METTL25: variants seen among roughly 807,000 people sequenced by gnomAD.
METTL25 encodes methyltransferase like 25, also known as probable methyltransferase-like protein 25.
Under a neutral mutation model 71.6 loss-of-function variants are expected in METTL25, and 64 were observed. The observed-to-expected ratio is 0.89, with a 90% CI of 0.73 to 1.10. The LOEUF (loss-of-function observed/expected upper bound fraction) is 1.10, where lower values mean the gene tolerates loss of function less well. METTL25 is among the 50% of genes least tolerant of loss of function. The pLI, the probability that METTL25 is intolerant of heterozygous loss-of-function variation, is 0.00. For synonymous variants in METTL25, 287 were observed against 250.3 expected, an observed-to-expected ratio of 1.15 and a Z score of -1.38; for missense variants, 807 against 707.0, an observed-to-expected ratio of 1.14 and a Z score of -1.60.
chr12:82,360,283 C>T lies in METTL25; in HGVS notation c.259+1459C>T, dbSNP rs111574721. Among the ~76,000 whole-genome samples, 591 of 151,748 alleles carry T rather than the reference C, an allele frequency of 3.9e-3. 3 individuals carry two copies. Among genetic ancestry groups the T allele is most frequent in the African/African-American group, 0.014 (564 of 41,346 alleles). ...GGATTATTTGATATTTACTATATAC[C>T]CTGTAGTGTGCTAAGTGTCTTCATG... On this transcript the variant is annotated intron_variant, in intron 1 of 11. Transcript: ENST00000248306.
chr12:82,359,055 A>G (rs1881405802), intron 1 of METTL25: 1 of 596,898 alleles, frequency 1.7e-6, no homozygotes, highest in African/African-American at 1.9e-5. Context: ...ATTTAAAGAA[A>G]GCAGGAAACA....
chr12:82,470,940 C>T (rs916463284), intron 9 of METTL25, among the ~76,000 whole-genome samples: 1 of 152,108 alleles, frequency 6.6e-6, no homozygotes, highest in East Asian at 1.9e-4. Context: ...TTTGAGTAAA[C>T]CCTGAATAAT....
At chr12:82,443,668 A>G (rs766402132) in intron 8 of METTL25, among the ~76,000 whole-genome samples, 1 of 152,158 alleles carries the variant, frequency 6.6e-6, no homozygotes, top group Non-Finnish European at 1.5e-5. Flanking sequence ...TCCTTGGCTT[A>G]TGGAGAGGGC....
intron 1 of METTL25, among the ~76,000 whole-genome samples, chr12:82,359,117 A>G (rs930453765): frequency 6.6e-6 from 1 of 152,216 alleles, no homozygotes; most frequent in Non-Finnish European, 1.5e-5. Context: ...ACGCTAGGGA[A>G]ACTAGGGGAG....
chr12:82,362,287 C>T (rs1882036690), intron 1 of METTL25, among the ~76,000 whole-genome samples: 1 of 152,208 alleles, frequency 6.6e-6, no homozygotes, highest in South Asian at 2.1e-4. Flanking sequence ...TAAATTATGG[C>T]TTTCCAGACA....
chr12:82,425,674 G>T (rs1225138791), intron 5 of METTL25, among the ~76,000 whole-genome samples: 1 of 152,056 alleles, frequency 6.6e-6, no homozygotes, highest in Non-Finnish European at 1.5e-5. Context: ...TGGGCAAAAA[G>T]ACCAAAACAA....
At chr12:82,443,733 C>A (rs1161007531) in intron 8 of METTL25, among the ~76,000 whole-genome samples, 1 of 152,098 alleles carries the variant, frequency 6.6e-6, no homozygotes. Context: ...TGTGCAGAAA[C>A]CACATGGCAA....
chr12:82,421,534 T>A (rs1005284703), intron 5 of METTL25, among the ~76,000 whole-genome samples: 2 of 151,988 alleles, frequency 1.3e-5, no homozygotes, highest in African/African-American at 4.8e-5. Context: ...TTGGAAATGG[T>A]GGTTAGGATA....
chr12:82,442,214 C>G (rs2137198707), intron 8 of METTL25, among the ~76,000 whole-genome samples: 1 of 152,010 alleles, frequency 6.6e-6, no homozygotes, highest in Non-Finnish European at 1.5e-5. Context: ...TCTGGAAGTC[C>G]CAGCAATAAA....
intron 6 of METTL25, among the ~76,000 whole-genome samples, chr12:82,432,019 A>T (rs565587043): frequency 1.3e-5 from 2 of 151,716 alleles, no homozygotes; most frequent in African/African-American, 2.4e-5. Flanking sequence ...TGCAAAGTTG[A>T]AAGTTGGGAA....
chr12:82,438,526 T>C (rs1890086097), intron 7 of METTL25, 192 bp from the exon 8 acceptor site: 2 of 324,598 alleles, frequency 6.2e-6, no homozygotes, highest in Admixed American at 4.9e-5. Flanking sequence ...TTTTTTTTTT[T>C]TCAGAATTAC....
At position 82,421,431 on chromosome 12, in the gene METTL25, T is replaced by C. The variant is rs531773626; in HGVS notation, c.1280-9462T>C. Reference sequence around the variant, plus strand: ...AATTAATAAATATTAGTGCCAGTTATTAAATTCTGAAACTTCATGAGATCT... The same window carrying C: ...AATTAATAAATATTAGTGCCAGTTACTAAATTCTGAAACTTCATGAGATCT... On this transcript the variant is annotated intron_variant, in intron 5 of 11. Transcript: ENST00000248306. Among the ~76,000 whole-genome samples, 14 of 152,310 alleles carry C rather than the reference T, an allele frequency of 9.2e-5. No homozygotes were observed. In the East Asian group the frequency reaches 2.3e-3, roughly 25 times the overall value.
chr12:82,476,653 A>G lies in METTL25; in HGVS notation c.1582A>G (p.Lys528Glu). ...LGLDESKLPE[K>E]IIMNYYEKYK... is the part of the protein sequence containing the mutation. ...GTTTTTTATCTTGAAGCTGCCAGAA[A>G]AAATTATAATGAACTACTACGAGAA... The change falls in exon 10 of 12, where the codon AAA (lysine) becomes GAA (glutamate). Residue 528 changes from lysine to glutamate, a missense_variant. Physicochemically the swap from Lys to Glu is moderately conservative, Grantham distance 56. Coordinates refer to ENST00000248306, the MANE Select transcript of METTL25 (RefSeq NM_032230.3). 1 of 1,593,098 alleles carries G rather than the reference A, an allele frequency of 6.3e-7. No individual in the cohort carries two copies. Among genetic ancestry groups the G allele is most frequent in the East Asian group, 2.2e-5 (1 of 44,490 alleles).
At position 82,399,132 on chromosome 12, in the gene METTL25, G is replaced by A; in HGVS notation, c.869G>A (p.Arg290Lys). 1 of 1,613,722 alleles carries A rather than the reference G, an allele frequency of 6.2e-7. No homozygotes were observed. The highest frequency in any genetic ancestry group is 2.2e-5 in the East Asian group (1 of 44,792). The part of the protein sequence containing the change: ...DFSGSVISNI[R>K]NQMETLHSQP... ...TCTGGCTCTGTAATTTCTAATATCA[G>A]AAACCAAATGGAAACCCTTCATTCT... The change falls in exon 4 of 12, where the codon AGA becomes AAA. Residue 290 changes from arginine to lysine, a missense_variant. Arg to Lys is a conservative substitution (Grantham distance 26, BLOSUM62 2). Transcript: ENST00000248306.
chr12:82,358,671 G>T lies in METTL25; in HGVS notation c.106G>T (p.Ala36Ser), dbSNP rs767477039. 2 of 1,614,202 alleles carry T rather than the reference G, an allele frequency of 1.2e-6. No homozygotes were observed. The highest frequency in any genetic ancestry group is 1.3e-5 in the African/African-American group (1 of 75,072). ...FLRDALSISN[A>S]HTVDFYTESV... Reference sequence around the variant, plus strand: ...GAGGGATGCCCTGTCCATTTCCAATGCACATACCGTGGATTTCTACACAGA... The same window carrying T: ...GAGGGATGCCCTGTCCATTTCCAATTCACATACCGTGGATTTCTACACAGA... Residue 36 changes from alanine (A) to serine (S), a missense_variant, in exon 1 of 12, where the codon GCA becomes TCA. Physicochemically the swap from Ala to Ser is moderately conservative, Grantham distance 99 (BLOSUM62 1). Coordinates refer to ENST00000248306, the MANE Select transcript of METTL25 (RefSeq NM_032230.3).
intron 2 of METTL25, among the ~76,000 whole-genome samples, chr12:82,387,782 C>T (rs2136950042): frequency 6.6e-6 from 1 of 152,044 alleles, no homozygotes; most frequent in Non-Finnish European, 1.5e-5. Flanking sequence ...TAGCATTTTA[C>T]TCTCAAATAC....
At chr12:82,363,731 T>TAAA (rs34795073) in intron 1 of METTL25, among the ~76,000 whole-genome samples, 12 of 143,910 alleles carry the variant, frequency 8.3e-5, no homozygotes, top group Non-Finnish European at 1.2e-4. Context: ...ACTAGATGTT[T>TAAA]AAAAAAAAAA....
At chr12:82,369,559 C>T (rs979010992) in intron 1 of METTL25, 21 of 423,756 alleles carry the variant, frequency 5.0e-5, no homozygotes, top group Admixed American at 2.1e-4. Context: ...CGGACCTTCA[C>T]GGTGAGTGTT....
chr12:82,477,424 A>G, intron 11 of METTL25, 72 bp downstream of exon 11: 1 of 714,954 alleles, frequency 1.4e-6, no homozygotes. Context: ...ACTTATATCT[A>G]GGATAAGAGT....
Sources: allele counts gnomAD v4.1 joint callset (sites outside exome capture counted in the v4.1 genomes callset), GRCh38; gene constraint gnomAD v4.1.1; transcripts MANE v1.5; gene names NCBI Gene and HGNC (gene_info 2026-07-23, HGNC 2026-07-21).